PDZD2: variants seen among roughly 807,000 people sequenced by gnomAD.
The protein encoded by PDZD2 is PDZ domain containing 2.
PDZD2 carries 90 observed loss-of-function variants against 220.7 expected under a neutral mutation model. The ratio of observed to expected loss-of-function variants is 0.41; its 90% CI spans 0.34 to 0.49. The LOEUF is 0.49. Ranked by LOEUF, PDZD2 falls within the 20% of genes least tolerant of loss-of-function variation. PDZD2 has a pLI of 0.28. For synonymous variants in PDZD2, 1,375 were observed against 1,450.5 expected (o/e 0.95, Z 1.18); for missense variants, 3,174 against 3,608.5 (o/e 0.88, Z 3.08).
chr5:32,001,330 G>C (rs1030057176), intron 5 of PDZD2, among the ~76,000 whole-genome samples: 15 of 152,218 alleles, frequency 9.9e-5, no homozygotes, highest in African/African-American at 3.6e-4. Flanking sequence ...GAGAGGCTCA[G>C]GGGCCGCCGA....
At chr5:31,695,173 T>C (rs1162103177) in intron 1 of PDZD2, among the ~76,000 whole-genome samples, 2 of 152,042 alleles carry the variant, frequency 1.3e-5, no homozygotes, top group African/African-American at 4.8e-5. Flanking sequence ...GGCTACTCCA[T>C]AGGCAGAGCA....
At chr5:31,924,957 G>T (rs926195250) in intron 2 of PDZD2, among the ~76,000 whole-genome samples, 1 of 152,174 alleles carries the variant, frequency 6.6e-6, no homozygotes, top group East Asian at 1.9e-4. Flanking sequence ...TCAAGTCCTG[G>T]TGGAGCTGGA....
chr5:31,978,610 G>C (rs552254958), intron 2 of PDZD2, among the ~76,000 whole-genome samples: 2 of 151,664 alleles, frequency 1.3e-5, no homozygotes, highest in East Asian at 1.9e-4. Context: ...AGCTGTTCAG[G>C]AGGCTGAGGC....
chr5:31,947,149 A>C (rs879781199), intron 2 of PDZD2, among the ~76,000 whole-genome samples: 1 of 152,192 alleles, frequency 6.6e-6, no homozygotes, highest in Non-Finnish European at 1.5e-5. Context: ...CTCGGTTTAG[A>C]GGGACAATAT....
chr5:32,022,193 G>GTT (rs57252714), intron 6 of PDZD2, among the ~76,000 whole-genome samples: 4 of 141,316 alleles, frequency 2.8e-5, no homozygotes, highest in Admixed American at 7.2e-5. Context: ...TTGTTTTTTT[G>GTT]TTTTTTGTTT....
rs769989480 is a variant in PDZD2, at chr5:31,799,494, T to C, written c.246T>C (p.Thr82=). ...CCAAGGAGCTGGGGGACACAGAGAC[T>C]GTGGGCCTGAGTTTTGGGAACATCC... ...YLTKELGDTE[T]VGLSFGNIPV... Residue 82 remains threonine (T), a synonymous_variant, in exon 2 of 25, where the codon ACT becomes ACC. Transcript: ENST00000438447. The C allele has an allele frequency of 6.2e-6, 10 of 1,614,158 alleles. No individual in the cohort carries two copies. Among genetic ancestry groups the C allele is most frequent in the Non-Finnish European group, 8.5e-6 (10 of 1,180,014 alleles).
chr5:32,108,308 A>AAATT lies in PDZD2; in HGVS notation c.*176_*179dup. 1 of 463,850 alleles carries AAATT rather than the reference A, an allele frequency of 2.2e-6. No individual in the cohort carries two copies. Among genetic ancestry groups the AAATT allele is most frequent in the East Asian group, 3.3e-5 (1 of 29,902 alleles). The allele number at this position is 463,850 out of a possible 1,614,324, so 28.7% of individuals were successfully genotyped here. On this transcript the variant is annotated 3_prime_UTR_variant, in exon 25 of 25. Coordinates refer to ENST00000438447, the MANE Select transcript of PDZD2 (RefSeq NM_178140.4). ...CTTAACTGTATGTGCAACAGCAATGAAATTAACTCCAGAAGCCTTCCACCT... is the reference window on the plus strand; with the variant it reads ...CTTAACTGTATGTGCAACAGCAATGAAATTAATTAACTCCAGAAGCCTTCCACCT...
intron 2 of PDZD2, among the ~76,000 whole-genome samples, chr5:31,889,885 G>A (rs79288675): frequency 0.042 from 6,459 of 152,034 alleles, 476 homozygotes; most frequent in African/African-American, 0.15. Context: ...GCCGGGTGTG[G>A]TAGTGCACAC....
intron 2 of PDZD2, among the ~76,000 whole-genome samples, chr5:31,965,714 G>GCGAA (rs923310885): frequency 2.0e-5 from 3 of 151,984 alleles, no homozygotes; most frequent in Non-Finnish European, 4.4e-5. Flanking sequence ...GACCAACATG[G>GCGAA]CGAAACCCCA....
At chr5:31,729,488 A>G (rs1468648466) in intron 1 of PDZD2, among the ~76,000 whole-genome samples, 1 of 152,222 alleles carries the variant, frequency 6.6e-6, no homozygotes, top group Non-Finnish European at 1.5e-5. Flanking sequence ...AGATTTGGAA[A>G]GACTTAGTAT....
intron 6 of PDZD2, among the ~76,000 whole-genome samples, chr5:32,020,425 C>T (rs1343048369): frequency 1.3e-5 from 2 of 152,190 alleles, no homozygotes; most frequent in East Asian, 1.9e-4. Flanking sequence ...AACAGGGTAA[C>T]GTGGCTCATT....
intron 17 of PDZD2, 54 bp from the exon 18 acceptor site, chr5:32,073,778 G>A (rs1740990984): frequency 1.7e-6 from 2 of 1,175,440 alleles, no homozygotes; most frequent in East Asian, 2.3e-5. Context: ...TGATAAGACA[G>A]GGCCAAGTGG....
At chr5:32,012,508 C>G (rs1421116495) in intron 6 of PDZD2, among the ~76,000 whole-genome samples, 1 of 152,048 alleles carries the variant, frequency 6.6e-6, no homozygotes, top group Non-Finnish European at 1.5e-5. Flanking sequence ...CTCAGCCTCC[C>G]GAGTAGCTGG....
intron 1 of PDZD2, among the ~76,000 whole-genome samples, chr5:31,774,842 T>A (rs985527092): frequency 2.0e-5 from 3 of 152,222 alleles, no homozygotes; most frequent in Non-Finnish European, 4.4e-5. Flanking sequence ...AATGTGTATA[T>A]AAATAGAACT....
At chr5:32,067,495 T>C (rs10058967) in intron 14 of PDZD2, among the ~76,000 whole-genome samples, 2,577 of 152,292 alleles carry the variant, frequency 0.017, 89 homozygotes, top group African/African-American at 0.06. Flanking sequence ...TTTTATTTCC[T>C]GTGAAGCCTA....
In PDZD2 at chr5:32,074,407, A is replaced by C. The variant is rs1236392126; in HGVS notation, c.3301A>C (p.Thr1101Pro). Residue 1101 changes from threonine (T) to proline (P), a missense_variant, in exon 18 of 25, where the codon ACT (threonine) becomes CCT (proline). Physicochemically the swap from Thr to Pro is conservative, Grantham distance 38. This residue lies in a region of PDZD2 where 1,861 missense variants were observed against 2,001.0 expected (regional missense o/e 0.93). Coordinates refer to ENST00000438447, the MANE Select transcript of PDZD2 (RefSeq NM_178140.4). ...TACAGACACCCAGAGTCCGACGAAC[A>C]CTGGGAGCCCCAGTTCCCCCCAGCA... ...VRTDTQSPTN[T>P]GSPSSPQQKS... The C allele has an allele frequency of 6.2e-7, 1 of 1,613,912 alleles. No individual in the cohort carries two copies. The highest frequency in any genetic ancestry group is 8.5e-7 in the Non-Finnish European group (1 of 1,179,910).
chr5:32,049,437 C>T (rs765866275), intron 8 of PDZD2, among the ~76,000 whole-genome samples: 3 of 152,036 alleles, frequency 2.0e-5, no homozygotes, highest in East Asian at 1.9e-4. Flanking sequence ...AGAGGACGGG[C>T]GTGGCAGCAA....
intron 1 of PDZD2, among the ~76,000 whole-genome samples, chr5:31,767,653 G>A (rs1183060703): frequency 2.6e-5 from 4 of 152,132 alleles, no homozygotes; most frequent in African/African-American, 4.8e-5. Context: ...GTCCGTCAAC[G>A]TAAGATGGAG....
chr5:31,665,643 C>T (rs868809767), intron 1 of PDZD2, among the ~76,000 whole-genome samples: 1,281 of 59,600 alleles, frequency 0.021, 25 homozygotes, highest in African/African-American at 0.068. Flanking sequence ...GAAGTTCCCC[C>T]TCCCCCCCCT....
Sources: gnomAD v4.1 joint callset for allele counts (sites outside exome capture counted in the v4.1 genomes callset) on GRCh38, gnomAD v4.1.1 for gene constraint, gnomAD v4.1.1 regional missense constraint, MANE v1.5 for transcripts, NCBI Gene and HGNC (gene_info 2026-07-23, HGNC 2026-07-21) for gene names.